Variants in NAALADL2 observed in about 807,000 individuals in gnomAD.
NAALADL2 encodes N-acetylated alpha-linked acidic dipeptidase like 2.
A neutral mutation model predicts 87.2 loss-of-function variants in NAALADL2; 76 were observed. The observed-to-expected ratio is 0.87, with a 90% CI of 0.72 to 1.05. The LOEUF is 1.05. NAALADL2 is among the 50% of genes least tolerant of loss of function. The pLI is 0.00. For synonymous variants in NAALADL2, 354 were observed against 331.0 expected, an observed-to-expected ratio of 1.07 and a Z score of -0.75; for missense variants, 1,089 against 945.8, an observed-to-expected ratio of 1.15 and a Z score of -1.99.
intron 6 of NAALADL2, among the ~76,000 whole-genome samples, chr3:175,450,859 A>G (rs894219779): frequency 1.3e-5 from 2 of 152,220 alleles, no homozygotes; most frequent in African/African-American, 4.8e-5. Flanking sequence ...ACAAACTTTA[A>G]GTAATGACTT....
Position 175,243,342 on chromosome 3 carries a change from A to G in NAALADL2, c.819+9138A>G, listed in dbSNP as rs867159100. On this transcript the variant is annotated intron_variant, in intron 3 of 13. Transcript: ENST00000454872. Reference sequence around the variant, plus strand: ...AGGAAACACACACACACACACACACACACGCACGCACACACACACGCCAGC... The same window carrying G: ...AGGAAACACACACACACACACACACGCACGCACGCACACACACACGCCAGC... Among the ~76,000 whole-genome samples, 1,498 of 150,944 alleles carry G rather than the reference A, an allele frequency of 9.9e-3. 27 individuals are homozygous for G. The highest frequency in any genetic ancestry group is 0.035 in the African/African-American group (1,428 of 41,148).
At chr3:175,595,269 C>T (rs1722100497) in intron 10 of NAALADL2, among the ~76,000 whole-genome samples, 1 of 151,906 alleles carries the variant, frequency 6.6e-6, no homozygotes, top group Admixed American at 6.6e-5. Flanking sequence ...TTCTCCATTG[C>T]TTGTTTTTGT....
intron 11 of NAALADL2, among the ~76,000 whole-genome samples, chr3:175,703,941 T>G (rs1739326314): frequency 6.6e-6 from 1 of 152,180 alleles, no homozygotes; most frequent in Admixed American, 6.5e-5. Context: ...CTCCTGAGTT[T>G]CCTTTGGAAG....
At chr3:174,638,568 T>G (rs1219932180) in intron 2 of NAALADL2, among the ~76,000 whole-genome samples, 1 of 152,046 alleles carries the variant, frequency 6.6e-6, no homozygotes, top group Non-Finnish European at 1.5e-5. Flanking sequence ...ATAGGAGATG[T>G]TGAAGAAGGA....
chr3:174,594,184 A>G (rs1248349230), intron 2 of NAALADL2, among the ~76,000 whole-genome samples: 1 of 152,160 alleles, frequency 6.6e-6, no homozygotes, highest in Admixed American at 6.5e-5. Context: ...ATAATTGCCA[A>G]TATACTTTGG....
intron 10 of NAALADL2, among the ~76,000 whole-genome samples, chr3:175,591,027 C>CT (rs5854649): frequency 0.78 from 118,869 of 151,926 alleles, 48,807 homozygotes; most frequent in Non-Finnish European, 0.91. Context: ...TATGATTAAC[C>CT]TGTAAGGCAA....
At chr3:175,701,450 G>A (rs1202720519) in intron 11 of NAALADL2, among the ~76,000 whole-genome samples, 4 of 152,074 alleles carry the variant, frequency 2.6e-5, no homozygotes, top group Non-Finnish European at 5.9e-5. Flanking sequence ...AGTGTCTCAC[G>A]ATAGACCCAG....
chr3:175,610,599 T>G (rs1452448360), intron 10 of NAALADL2, among the ~76,000 whole-genome samples: 3 of 152,132 alleles, frequency 2.0e-5, no homozygotes, highest in Non-Finnish European at 4.4e-5. Flanking sequence ...GTAAAAATTC[T>G]ATCAAATATT....
intron 2 of NAALADL2, among the ~76,000 whole-genome samples, chr3:174,670,050 A>G (rs1032968338): frequency 2.0e-5 from 3 of 152,018 alleles, no homozygotes; most frequent in African/African-American, 7.2e-5. Flanking sequence ...TTTCATTGTC[A>G]GTGTAGAAAT....
intron 3 of NAALADL2, among the ~76,000 whole-genome samples, chr3:175,239,290 A>G (rs2037846002): frequency 6.6e-6 from 1 of 152,238 alleles, no homozygotes; most frequent in African/African-American, 2.4e-5. Context: ...TTCAGGGAAT[A>G]AACAGTGATT....
chr3:174,672,710 T>C (rs1023160512), intron 2 of NAALADL2, among the ~76,000 whole-genome samples: 4 of 151,742 alleles, frequency 2.6e-5, no homozygotes, highest in African/African-American at 9.7e-5. Flanking sequence ...GCTCAGGGAG[T>C]AAAGCATGTG....
intron 1 of NAALADL2, among the ~76,000 whole-genome samples, chr3:174,895,754 A>G (rs147602632): frequency 6.6e-6 from 1 of 152,122 alleles, no homozygotes; most frequent in East Asian, 1.9e-4. Context: ...CAAACAAACA[A>G]CTGCAGGCCA....
At chr3:174,548,772 C>T (rs776380584) in intron 1 of NAALADL2, among the ~76,000 whole-genome samples, 11 of 152,272 alleles carry the variant, frequency 7.2e-5, no homozygotes, top group Non-Finnish European at 1.3e-4. Context: ...CCTGAGTCGA[C>T]TCTCCCATCT....
chr3:175,773,399 T>C (rs1392782307), intron 13 of NAALADL2: 1 of 152,158 alleles, frequency 6.6e-6, no homozygotes, highest in Non-Finnish European at 1.5e-5. Flanking sequence ...TATCATTGTG[T>C]CTAGCTGCTG....
At chr3:174,552,107 T>C (rs536195450) in intron 2 of NAALADL2, among the ~76,000 whole-genome samples, 71 of 152,360 alleles carry the variant, frequency 4.7e-4, no homozygotes, top group African/African-American at 1.5e-3. Context: ...CTATTATGAA[T>C]ACCAATAATC....
intron 1 of NAALADL2, among the ~76,000 whole-genome samples, chr3:175,046,959 A>T (rs1754757989): frequency 1.3e-5 from 2 of 152,174 alleles, no homozygotes; most frequent in Admixed American, 6.5e-5. Context: ...CCAAGATCAA[A>T]GTGCCAGAAG....
intron 4 of NAALADL2, among the ~76,000 whole-genome samples, chr3:175,305,691 T>A (rs1487478617): frequency 6.6e-6 from 1 of 152,058 alleles, no homozygotes; most frequent in Non-Finnish European, 1.5e-5. Context: ...CCCGGCTAAT[T>A]TTGTATTTTT....
At chr3:174,894,640 A>AAAATCAGTG (rs1731279640) in intron 1 of NAALADL2, among the ~76,000 whole-genome samples, 8 of 132,990 alleles carry the variant, frequency 6.0e-5, no homozygotes, top group Admixed American at 5.7e-4. Context: ...AAAAAAAAAA[A>AAAATCAGTG]AAATCAGTGA....
At chr3:175,560,542 A>G (rs1310319371) in intron 9 of NAALADL2, among the ~76,000 whole-genome samples, 1 of 151,464 alleles carries the variant, frequency 6.6e-6, no homozygotes, top group Non-Finnish European at 1.5e-5. Flanking sequence ...TTTCTTTTCT[A>G]GTTCTTTCAG....
Sources: gnomAD v4.1 joint callset for allele counts (sites outside exome capture counted in the v4.1 genomes callset) on GRCh38, gnomAD v4.1.1 for gene constraint, MANE v1.5 for transcripts, NCBI Gene and HGNC (gene_info 2026-07-23, HGNC 2026-07-21) for gene names.